Variants in ZNF557 observed in about 807,000 individuals in gnomAD.
ZNF557 encodes CTB-25J19.9.
ZNF557 carries 19 observed loss-of-function variants against 21.2 expected under a neutral mutation model. That is an observed-to-expected ratio of 0.90 (90% CI 0.63 to 1.32). ZNF557 has a LOEUF of 1.32. ZNF557 is among the 40% of genes most tolerant of loss of function. The pLI is 0.00. For synonymous variants in ZNF557, 207 were observed against 194.8 expected, an observed-to-expected ratio of 1.06 and a Z score of -0.52; for missense variants, 487 against 519.8, an observed-to-expected ratio of 0.94 and a Z score of 0.61.
rs140435856 is a variant in ZNF557, at chr19:7,078,684, G to A, written c.247+2177G>A. Reference sequence around the variant, plus strand: ...TGACCTCAGGTGATCCTCCCACCTCGGCTTCCCAAAGTGCTGTAATTAGAG... The same window carrying A: ...TGACCTCAGGTGATCCTCCCACCTCAGCTTCCCAAAGTGCTGTAATTAGAG... On this transcript the variant is annotated intron_variant, in intron 5 of 7. Transcript: ENST00000252840. 4.5e-4 allele frequency among the ~76,000 whole-genome samples: 68 copies of A among 152,026 alleles called. 1 individual carries two copies. In the East Asian group the frequency reaches 8.5e-3, roughly 19 times the overall value.
rs147326539 is a variant in ZNF557, at chr19:7,083,180, A to G, written c.729A>G (p.Lys243=). The G allele has an allele frequency of 6.8e-6, 11 of 1,614,200 alleles. No individual in the cohort carries two copies. Among genetic ancestry groups the G allele is most frequent in the South Asian group, 1.1e-5 (1 of 91,080 alleles). The part of the protein sequence containing the change: ...EKPYECSDCG[K]TFSNSSYLRP... ...CCTACGAATGCAGTGACTGTGGGAA[A>G]ACCTTCAGCAATTCCTCATACCTCA... is the stretch of plus-strand genomic sequence containing the variant. The change falls in exon 8 of 8, where the codon AAA becomes AAG. Residue 243 remains lysine, a synonymous_variant. Coordinates refer to ENST00000252840, the MANE Select transcript of ZNF557 (RefSeq NM_024341.3).
chr19:7,073,147 G>T lies in ZNF557; in HGVS notation c.-79-1849G>T, dbSNP rs117836757. 8.7e-3 allele frequency among the ~76,000 whole-genome samples: 645 copies of T among 74,436 alleles called. 1 individual carries two copies. Among genetic ancestry groups the T allele is most frequent in the African/African-American group, 0.019 (388 of 20,830 alleles). The allele number at this position is 74,436 out of a possible 152,430, so 48.8% of individuals were successfully genotyped here. A position where few individuals can be genotyped will look rare whatever the true frequency, so the allele number is the denominator to read the frequency against. Reference sequence around the variant, plus strand: ...AAATAATACAGATATTTGTTTTTTTGGTTTTTTTTGTTTTTTTTTTTTTGA... The same window carrying T: ...AAATAATACAGATATTTGTTTTTTTTGTTTTTTTTGTTTTTTTTTTTTTGA... On this transcript the variant is annotated intron_variant, in intron 2 of 7. Transcript: ENST00000252840.
intron 5 of ZNF557, among the ~76,000 whole-genome samples, chr19:7,078,576 C>T (rs149086013): frequency 2.6e-5 from 4 of 152,008 alleles, no homozygotes; most frequent in East Asian, 1.9e-4. Flanking sequence ...GGATTACAAA[C>T]GCGCACCACC....
At chr19:7,076,319 T>A in intron 4 of ZNF557, 62 bp from the exon 5 acceptor site, 2 of 1,614,026 alleles carry the variant, frequency 1.2e-6, no homozygotes, top group East Asian at 4.5e-5. Context: ...TCCTGGCCCC[T>A]CTTCCTGTGC....
intron 2 of ZNF557, among the ~76,000 whole-genome samples, chr19:7,074,070 G>T (rs1341889103): frequency 2.0e-5 from 3 of 150,154 alleles, no homozygotes; most frequent in African/African-American, 7.4e-5. Context: ...GTGCAATCCC[G>T]GCTCACTACA....
intron 2 of ZNF557, among the ~76,000 whole-genome samples, chr19:7,074,582 C>A (rs1024842776): frequency 6.6e-6 from 1 of 150,382 alleles, no homozygotes; most frequent in South Asian, 2.1e-4. Context: ...CCTAGGGTCT[C>A]TGATAGAAAA....
At position 7,083,646 on chromosome 19, in the gene ZNF557, A is replaced by C; in HGVS notation, c.1195A>C (p.Thr399Pro). The C allele has an allele frequency of 6.2e-7, 1 of 1,614,094 alleles. No individual in the cohort carries two copies. Among genetic ancestry groups the C allele is most frequent in the Non-Finnish European group, 8.5e-7 (1 of 1,179,978 alleles). ...CGTTAAGAAACACATGAGAACTCACACTGGAAAAAAACCCTATGAATGTAA... is the reference window on the plus strand; with the variant it reads ...CGTTAAGAAACACATGAGAACTCACCCTGGAAAAAAACCCTATGAATGTAA... ...SSVKKHMRTH[T>P]GKKPYECNYC... is the part of the protein sequence containing the mutation. The change falls in exon 8 of 8, where the codon ACT (threonine) becomes CCT (proline). Residue 399 changes from threonine to proline, a missense_variant. Transcript: ENST00000252840.
Position 7,082,965 on chromosome 19 carries a change from A to G in ZNF557, c.514A>G (p.Lys172Glu). 1 of 1,614,168 alleles carries G rather than the reference A, an allele frequency of 6.2e-7. No homozygotes were observed. The highest frequency in any genetic ancestry group is 8.5e-7 in the Non-Finnish European group (1 of 1,179,998). The change falls in exon 8 of 8, where the codon AAG becomes GAG. Residue 172 changes from lysine to glutamate, a missense_variant. Coordinates refer to ENST00000252840, the MANE Select transcript of ZNF557 (RefSeq NM_024341.3). The part of the protein sequence containing the change: ...STKSSLTRHR[K>E]IHTGERPYGC... ...AAAATCTTCCCTTACACGGCACAGG[A>G]AGATTCATACTGGAGAAAGACCCTA...
chr19:7,082,353 G>A (rs1977728559), intron 7 of ZNF557, among the ~76,000 whole-genome samples: 1 of 151,398 alleles, frequency 6.6e-6, no homozygotes, highest in Non-Finnish European at 1.5e-5. Context: ...AACCCTGGAG[G>A]TGGAGCTTGC....
intron 2 of ZNF557, among the ~76,000 whole-genome samples, chr19:7,072,781 T>C (rs1010750045): frequency 1.3e-5 from 2 of 152,298 alleles, no homozygotes; most frequent in East Asian, 1.9e-4. Flanking sequence ...ATATCACATA[T>C]CACTCTGAAA....
In ZNF557 at chr19:7,087,399, G is replaced by A. The variant is rs1053561338; in HGVS notation, c.*3655G>A. 6.6e-6 allele frequency: 1 copy of A among 151,284 alleles called. No homozygotes were observed. The highest frequency in any genetic ancestry group is 1.5e-5 in the Non-Finnish European group (1 of 67,810). 9.4% of individuals were successfully genotyped at this position (151,284 alleles called of 1,614,324 possible). On this transcript the variant is annotated 3_prime_UTR_variant, in exon 8 of 8. Transcript: ENST00000252840. ...CTCCTAAAAATACAAAATTAACCGA[G>A]CATGTTGGCGCATGCCTGTAATCTC...
chr19:7,080,158 G>C (rs1977669075), intron 5 of ZNF557, among the ~76,000 whole-genome samples: 1 of 152,126 alleles, frequency 6.6e-6, no homozygotes, highest in South Asian at 2.1e-4. Flanking sequence ...AAAAAAATCA[G>C]CCAGGCGTGG....
intron 5 of ZNF557, among the ~76,000 whole-genome samples, chr19:7,080,496 G>T (rs1008527342): frequency 1.3e-4 from 20 of 152,152 alleles, no homozygotes; most frequent in Admixed American, 9.8e-4. Flanking sequence ...CATAGGTGTA[G>T]CCTCTTCAGA....
intron 2 of ZNF557, among the ~76,000 whole-genome samples, chr19:7,073,431 C>T (rs1977506928): frequency 6.6e-6 from 1 of 152,246 alleles, no homozygotes; most frequent in South Asian, 2.1e-4. Flanking sequence ...GCTGGGATTG[C>T]AGGCGTGAGC....
rs574832335 is a variant in ZNF557 at position 7,075,297 on chromosome 19, C to T, written c.31+192C>T. 1.2e-4 allele frequency among the ~76,000 whole-genome samples: 19 copies of T among 152,242 alleles called. No individual in the cohort carries two copies. In the East Asian group the frequency reaches 3.5e-3, roughly 28 times the overall value. On this transcript the variant is annotated intron_variant, in intron 3 of 7. Transcript: ENST00000252840. ...GCATTTGGGTGTCTGTGGATGTCACCTGTGTGGTGAATGTGCTGGAGCTTT... is the reference window on the plus strand; with the variant it reads ...GCATTTGGGTGTCTGTGGATGTCACTTGTGTGGTGAATGTGCTGGAGCTTT...
rs1977762436 is a variant in ZNF557, at chr19:7,083,397, G to A, written c.946G>A (p.Gly316Arg). The change falls in exon 8 of 8, where the codon GGG becomes AGG. Residue 316 changes from glycine (G) to arginine (R), a missense_variant. Physicochemically the swap from Gly to Arg is moderately radical, Grantham distance 125. Transcript: ENST00000252840. The stretch of plus-strand genomic sequence containing the variant: ...TTCTTCGCACTATAGCATTCATACA[G>A]GGGAGTACCCTTACGAATGCCACGA... ...SLSSHYSIHT[G>R]EYPYECHDCG... is the part of the protein sequence containing the mutation. The A allele has an allele frequency of 1.9e-6, 3 of 1,614,210 alleles. No homozygotes were observed. Among genetic ancestry groups the A allele is most frequent in the Non-Finnish European group, 2.5e-6 (3 of 1,180,042 alleles).
chr19:7,074,110 C>A (rs1170427785), intron 2 of ZNF557, among the ~76,000 whole-genome samples: 1 of 151,972 alleles, frequency 6.6e-6, no homozygotes, highest in Non-Finnish European at 1.5e-5. Flanking sequence ...ACGCCATTCT[C>A]CTGCCTCAGC....
chr19:7,073,829 T>C (rs1977514429), intron 2 of ZNF557, among the ~76,000 whole-genome samples: 1 of 152,074 alleles, frequency 6.6e-6, no homozygotes, highest in Non-Finnish European at 1.5e-5. Context: ...GAATGCTACA[T>C]CTCAATACAA....
At chr19:7,076,298 T>G in intron 4 of ZNF557, 83 bp from the exon 5 acceptor site, 4 of 1,613,668 alleles carry the variant, frequency 2.5e-6, no homozygotes, top group Non-Finnish European at 3.4e-6. Context: ...TCCCCAGCCC[T>G]GGCTCTGTTC....
Sources: gnomAD v4.1 joint callset for allele counts (sites outside exome capture counted in the v4.1 genomes callset) on GRCh38, gnomAD v4.1.1 for gene constraint, MANE v1.5 for transcripts, NCBI Gene and HGNC (gene_info 2026-07-23, HGNC 2026-07-21) for gene names.